CCDC102B: variants seen among roughly 807,000 people sequenced by gnomAD.
CCDC102B encodes coiled-coil domain containing 102B, also known as coiled-coil domain-containing protein 102B.
CCDC102B carries 75 observed loss-of-function variants against 57.4 expected under a neutral mutation model. That is an observed-to-expected ratio of 1.31 (90% CI 1.08 to 1.58). The LOEUF is 1.58. Ranked by LOEUF, CCDC102B falls within the 40% of genes most tolerant of loss-of-function variation. The pLI is 0.00. For synonymous variants in CCDC102B, 206 were observed against 201.9 expected (o/e 1.02, Z -0.17); for missense variants, 636 against 582.6 (o/e 1.09, Z -0.94).
chr18:68,776,402 A>G lies in CCDC102B; in HGVS notation c.-66-46964A>G, dbSNP rs180983809. On this transcript the variant is annotated intron_variant, in intron 2 of 3. Coordinates refer to the CCDC102B transcript ENST00000578970. ...TAGCACTCTTCACAATAACAAAGAC[A>G]CGGAATCAACCTAAATGTCCATGAA... 1.2e-3 allele frequency among the ~76,000 whole-genome samples: 188 copies of G among 152,348 alleles called. 1 individual carries two copies. The highest frequency in any genetic ancestry group is 2.3e-3 in the Admixed American group (35 of 15,302).
chr18:68,815,960 A>C (rs2144724960), intron 1 of CCDC102B, among the ~76,000 whole-genome samples: 1 of 152,298 alleles, frequency 6.6e-6, no homozygotes, highest in South Asian at 2.1e-4. Context: ...ATTTGGAAAA[A>C]GGATTTTTCA....
chr18:69,031,801 C>A (rs1347224864), intron 7 of CCDC102B, among the ~76,000 whole-genome samples: 7 of 152,244 alleles, frequency 4.6e-5, no homozygotes, highest in African/African-American at 1.7e-4. Flanking sequence ...AATATAATAA[C>A]TGGGCTGAAT....
intron 7 of CCDC102B, among the ~76,000 whole-genome samples, chr18:69,016,987 A>G (rs1249917189): frequency 6.6e-6 from 1 of 152,206 alleles, no homozygotes; most frequent in Admixed American, 6.5e-5. Flanking sequence ...CATCTTAACT[A>G]ATATGAAAGT....
rs952280883 is a variant in CCDC102B, at chr18:68,837,061, G to A, written c.298G>A (p.Ala100Thr). The change falls in exon 2 of 8, where the codon GCC (alanine) becomes ACC (threonine). Residue 100 changes from alanine to threonine, a missense_variant. Physicochemically the swap from Ala to Thr is moderately conservative, Grantham distance 58. Transcript: ENST00000360242. ...CATGCGGTGGTGGTCGGACTGCACT[G>A]CCAACTGGAGAGAAAAATGGAGTAA... ...KTMRWWSDCT[A>T]NWREKWSKVR... The A allele has an allele frequency of 6.2e-7, 1 of 1,614,148 alleles. No homozygotes were observed. The highest frequency in any genetic ancestry group is 1.3e-5 in the African/African-American group (1 of 75,038).
At chr18:68,897,106 G>C in intron 5 of CCDC102B, 113 bp from the exon 6 acceptor site, 1 of 728,242 alleles carries the variant, frequency 1.4e-6, no homozygotes, top group Non-Finnish European at 2.3e-6. Flanking sequence ...TTTTAAAATT[G>C]TATCAGTGGA....
chr18:68,741,930 T>C (rs753849920), intron 2 of CCDC102B, among the ~76,000 whole-genome samples: 1 of 152,118 alleles, frequency 6.6e-6, no homozygotes, highest in Non-Finnish European at 1.5e-5. Context: ...TCAACATGGT[T>C]ATCAACTTTC....
At chr18:68,911,723 G>A (rs2040873349) in intron 6 of CCDC102B, among the ~76,000 whole-genome samples, 1 of 113,470 alleles carries the variant, frequency 8.8e-6, no homozygotes, top group African/African-American at 3.8e-5. Context: ...CTGCACTCCA[G>A]CCTGGGCGAC....
intron 7 of CCDC102B, among the ~76,000 whole-genome samples, chr18:69,026,766 G>T (rs551610962): frequency 6.6e-6 from 1 of 152,284 alleles, no homozygotes. Flanking sequence ...TACTTTTTAT[G>T]CTGGGTATTC....
chr18:68,857,866 A>C (rs1057352377), intron 4 of CCDC102B, among the ~76,000 whole-genome samples: 18 of 152,228 alleles, frequency 1.2e-4, no homozygotes, highest in Admixed American at 2.0e-4. Flanking sequence ...CCTGTGCACA[A>C]TTTTTCAGTA....
intron 2 of CCDC102B, among the ~76,000 whole-genome samples, chr18:68,761,040 C>A (rs1953236195): frequency 6.6e-6 from 1 of 151,952 alleles, no homozygotes. Flanking sequence ...GCTGTACTTC[C>A]CATGGAATCC....
intron 3 of CCDC102B, among the ~76,000 whole-genome samples, chr18:68,844,059 A>G (rs552706082): frequency 1.3e-5 from 2 of 152,126 alleles, no homozygotes; most frequent in East Asian, 1.9e-4. Context: ...GTAACCTTTT[A>G]CATAATAAAA....
chr18:69,034,157 G>A (rs1460912067), intron 7 of CCDC102B, among the ~76,000 whole-genome samples: 1 of 151,788 alleles, frequency 6.6e-6, no homozygotes, highest in African/African-American at 2.4e-5. Context: ...TCTGTGGATT[G>A]AATTGTCTTT....
rs570524074 is a variant in CCDC102B at position 68,928,578 on chromosome 18, GGT to G, written c.1263+31152_1263+31153del. 1.8e-3 allele frequency among the ~76,000 whole-genome samples: 280 copies of G among 151,910 alleles called. 5 individuals carry two copies. In the South Asian group the frequency reaches 0.056, roughly 31 times the overall value. On this transcript the variant is annotated intron_variant, in intron 6 of 7. Coordinates refer to ENST00000360242, the MANE Select transcript of CCDC102B (RefSeq NM_024781.3). ...TTGGATTTATGATACAGGAGTTGATGGTGAGCTTGGTGAGAGCTTGTCAGAGG... is the reference window on the plus strand; with the variant it reads ...TTGGATTTATGATACAGGAGTTGATGGAGCTTGGTGAGAGCTTGTCAGAGG...
At chr18:68,818,020 C>T (rs1599508003) in intron 1 of CCDC102B, among the ~76,000 whole-genome samples, 2 of 152,262 alleles carry the variant, frequency 1.3e-5, no homozygotes, top group Middle Eastern at 3.4e-3. Context: ...TATATATACA[C>T]ATTTCATTAC....
chr18:68,981,507 T>G (rs1237639464), intron 6 of CCDC102B, among the ~76,000 whole-genome samples: 2 of 152,018 alleles, frequency 1.3e-5, no homozygotes, highest in Non-Finnish European at 2.9e-5. Context: ...TATTTGGAAT[T>G]ACGATTTGTC....
At chr18:68,799,436 A>G (rs2035763975) in intron 1 of CCDC102B, among the ~76,000 whole-genome samples, 1 of 152,068 alleles carries the variant, frequency 6.6e-6, no homozygotes, top group African/African-American at 2.4e-5. Context: ...GGGCCTCACT[A>G]TGGGTTTGGC....
At chr18:68,829,431 T>C (rs761452737) in intron 1 of CCDC102B, among the ~76,000 whole-genome samples, 1 of 152,008 alleles carries the variant, frequency 6.6e-6, no homozygotes, top group Non-Finnish European at 1.5e-5. Context: ...AGATTATTAA[T>C]GTAAAGAATG....
intron 1 of CCDC102B, among the ~76,000 whole-genome samples, chr18:68,810,685 T>A (rs1247930348): frequency 6.7e-5 from 3 of 44,864 alleles, no homozygotes; most frequent in Admixed American, 2.5e-4. Context: ...TCTTTGTTTT[T>A]TTTTTTTTTT....
intron 4 of CCDC102B, among the ~76,000 whole-genome samples, chr18:68,850,228 A>T (rs1371801030): frequency 2.0e-5 from 3 of 152,158 alleles, no homozygotes; most frequent in African/African-American, 4.8e-5. Flanking sequence ...AAGTGCATTA[A>T]TTAAGATATG....
Sources: gnomAD v4.1 joint callset for allele counts (sites outside exome capture counted in the v4.1 genomes callset) on GRCh38, gnomAD v4.1.1 for gene constraint, MANE v1.5 for transcripts, NCBI Gene and HGNC (gene_info 2026-07-23, HGNC 2026-07-21) for gene names.